UGT1A9: variants seen among roughly 807,000 people sequenced by gnomAD.
The protein encoded by UGT1A9 is UDP glucuronosyltransferase family 1 member A9.
UGT1A9 carries 35 observed loss-of-function variants against 45.0 expected under a neutral mutation model. The ratio of observed to expected loss-of-function variants is 0.78; its 90% CI spans 0.59 to 1.03. The LOEUF is 1.03. Ranked by LOEUF, UGT1A9 falls within the 50% of genes least tolerant of loss-of-function variation. The pLI, the probability that UGT1A9 is intolerant of heterozygous loss-of-function variation, is 0.00. For synonymous variants in UGT1A9, 278 were observed against 250.6 expected, an observed-to-expected ratio of 1.11 and a Z score of -1.03; for missense variants, 687 against 666.6, an observed-to-expected ratio of 1.03 and a Z score of -0.34.
intron 1 of UGT1A9, chr2:233,729,523 C>T (rs753472390): frequency 6.2e-7 from 1 of 1,614,202 alleles, no homozygotes; most frequent in Non-Finnish European, 8.5e-7. Context: ...GGAGCTACTA[C>T]ATAATGAGGC....
chr2:233,707,323 G>A (rs1469096333), intron 1 of UGT1A9, among the ~76,000 whole-genome samples: 1 of 152,126 alleles, frequency 6.6e-6, no homozygotes, highest in African/African-American at 2.4e-5. Flanking sequence ...AGCTAAACAT[G>A]TGCCATGGTG....
At chr2:233,680,059 C>T (rs920463350) in intron 1 of UGT1A9, among the ~76,000 whole-genome samples, 10 of 151,838 alleles carry the variant, frequency 6.6e-5, no homozygotes, top group African/African-American at 2.4e-4. Context: ...TTGCAATGGT[C>T]CTTATCTATC....
chr2:233,700,548 G>A (rs535853869), intron 1 of UGT1A9, among the ~76,000 whole-genome samples: 36 of 151,944 alleles, frequency 2.4e-4, no homozygotes, highest in African/African-American at 7.5e-4. Flanking sequence ...TGAGAATAAG[G>A]GGTTATAAAA....
At position 233,740,893 on chromosome 2, in the gene UGT1A9, T is replaced by C. The variant is rs1014621537; in HGVS notation, c.856-26141T>C. 52 of 150,244 alleles carry C rather than the reference T, an allele frequency of 3.5e-4. 1 individual carries two copies. Among genetic ancestry groups the C allele is most frequent in the African/African-American group, 1.2e-3 (48 of 39,828 alleles). 9.3% of individuals were successfully genotyped at this position (150,244 alleles called of 1,614,324 possible). A position where few individuals can be genotyped will look rare whatever the true frequency, so the allele number is the denominator to read the frequency against. The stretch of plus-strand genomic sequence containing the variant: ...ATAAAATGCTCTTGCAGGGACAACA[T>C]AGTAGGTCAACATTGTTCCCATCTC... On this transcript the variant is annotated intron_variant, in intron 1 of 4. Transcript: ENST00000354728.
chr2:233,761,165 T>A (rs1323342436), intron 1 of UGT1A9: 1 of 1,614,204 alleles, frequency 6.2e-7, no homozygotes, highest in Non-Finnish European at 8.5e-7. Context: ...TGTATTGGAG[T>A]GGGACTTTTA....
chr2:233,753,155 C>T (rs1695142736), intron 1 of UGT1A9: 2 of 152,204 alleles, frequency 1.3e-5, no homozygotes, highest in Admixed American at 6.5e-5. Flanking sequence ...TGTAAGTTCC[C>T]TTATCCGGAT....
At chr2:233,720,103 C>T (rs2076831013) in intron 1 of UGT1A9, among the ~76,000 whole-genome samples, 1 of 152,162 alleles carries the variant, frequency 6.6e-6, no homozygotes, top group African/African-American at 2.4e-5. Flanking sequence ...GTGGTCCCAT[C>T]TTGCGAAAGA....
chr2:233,713,920 T>C (rs1335071739), intron 1 of UGT1A9: 4 of 1,612,180 alleles, frequency 2.5e-6, no homozygotes. Context: ...AAAAATGTAT[T>C]TACTTACAAG....
At chr2:233,742,158 AC>A (rs1177147410) in intron 1 of UGT1A9, among the ~76,000 whole-genome samples, 1 of 151,894 alleles carries the variant, frequency 6.6e-6, no homozygotes, top group Non-Finnish European at 1.5e-5. Flanking sequence ...CGAATTAAAG[AC>A]ACACACACAG....
chr2:233,766,951 A>C (rs1699289551), intron 1 of UGT1A9, 83 bp from the exon 2 acceptor site: 10 of 1,601,242 alleles, frequency 6.2e-6, no homozygotes, highest in Non-Finnish European at 8.5e-6. Context: ...CTTAAGAGGA[A>C]GATATCTAAT....
At chr2:233,747,784 C>A in intron 1 of UGT1A9, 1 of 1,613,530 alleles carries the variant, frequency 6.2e-7, no homozygotes, top group Non-Finnish European at 8.5e-7. Context: ...CCAAATCCTT[C>A]CTCCTATATT....
In UGT1A9 at chr2:233,769,791, G is replaced by A; in HGVS notation, c.1295+1352G>A. 5 of 1,267,464 alleles carry A rather than the reference G, an allele frequency of 3.9e-6. No individual in the cohort carries two copies. The South Asian group carries it at 8.7e-5, about 22-fold the overall frequency. The allele number at this position is 1,267,464 out of a possible 1,614,324, so 78.5% of individuals were successfully genotyped here. On this transcript the variant is annotated intron_variant, in intron 4 of 4. Transcript: ENST00000354728. The surrounding 1 kb of genome is among the most constrained non-coding windows in gnomAD (Gnocchi z 4.4). ...GATTGCTTGAGCCCAGAAGTTGGAG[G>A]CTGCTATGAGCCGTGATCATGCCAC...
chr2:233,729,177 G>C, intron 1 of UGT1A9: 1 of 1,613,894 alleles, frequency 6.2e-7, no homozygotes, highest in Non-Finnish European at 8.5e-7. Flanking sequence ...CAGGACTGCT[G>C]CTTCTCCTCA....
intron 1 of UGT1A9, among the ~76,000 whole-genome samples, chr2:233,718,346 GATGTGCTGTGTTATTCAC>G: frequency 6.6e-6 from 1 of 152,362 alleles, no homozygotes; most frequent in East Asian, 1.9e-4. Flanking sequence ...ATGTCTTTTG[GATGTGCTGTGTTATTCAC>G]ATATGAGAAG....
At chr2:233,744,873 T>C (rs991695756) in intron 1 of UGT1A9, among the ~76,000 whole-genome samples, 13 of 151,922 alleles carry the variant, frequency 8.6e-5, no homozygotes, top group African/African-American at 3.2e-4. Context: ...AAGGGATTAG[T>C]TTAGGACAAC....
intron 1 of UGT1A9, among the ~76,000 whole-genome samples, chr2:233,766,269 TCGGTGGCCC>T (rs2126023765): frequency 2.9e-5 from 2 of 67,956 alleles, no homozygotes; most frequent in East Asian, 5.0e-4. Flanking sequence ...TGGCCCGGGC[TCGGTGGCCC>T]GGGCTCGGTG....
chr2:233,745,429 A>G (rs1003194784), intron 1 of UGT1A9, among the ~76,000 whole-genome samples: 4 of 151,698 alleles, frequency 2.6e-5, no homozygotes, highest in African/African-American at 4.9e-5. Flanking sequence ...ATAAATTGTG[A>G]GGCAATACAC....
intron 1 of UGT1A9, chr2:233,760,237 TATATATATATAA>T (rs1319876317): frequency 6.3e-7 from 1 of 1,597,346 alleles, no homozygotes; most frequent in South Asian, 1.1e-5. Flanking sequence ...TTTTGCCATA[TATATATATATAA>T]GTAGGAGAGG....
intron 1 of UGT1A9, chr2:233,719,713 C>T (rs761088378): frequency 6.2e-7 from 1 of 1,613,962 alleles, no homozygotes; most frequent in African/African-American, 1.3e-5. Flanking sequence ...TTCATCCAAT[C>T]AATGTTCCAG....
Sources: allele counts gnomAD v4.1 joint callset (sites outside exome capture counted in the v4.1 genomes callset), GRCh38; gene constraint gnomAD v4.1.1; non-coding constraint Gnocchi (gnomAD v3.1); transcripts MANE v1.5; gene names NCBI Gene and HGNC (gene_info 2026-07-23, HGNC 2026-07-21).